NMT1: variants seen among roughly 807,000 people sequenced by gnomAD.
NMT1 encodes the protein glycylpeptide N-tetradecanoyltransferase 1.
A neutral mutation model predicts 63.4 loss-of-function variants in NMT1; 12 were observed. That is an observed-to-expected ratio of 0.19 (90% confidence interval 0.12 to 0.31). The LOEUF is 0.31. NMT1 is among the 10% of genes least tolerant of loss of function. NMT1 has a pLI of 1.00. For missense variants in NMT1, 432 were observed against 634.6 expected (o/e 0.68, Z 3.43); for synonymous variants, 228 against 234.3 (o/e 0.97, Z 0.25).
chr17:45,083,249 G>C (rs1338768232), intron 2 of NMT1, among the ~76,000 whole-genome samples: 1 of 151,718 alleles, frequency 6.6e-6, no homozygotes, highest in African/African-American at 2.4e-5. Context: ...AACCCAGGCG[G>C]CAGAGGTTGC....
intron 2 of NMT1, among the ~76,000 whole-genome samples, chr17:45,084,283 C>A (rs1248334617): frequency 6.7e-6 from 1 of 150,296 alleles, no homozygotes; most frequent in Non-Finnish European, 1.5e-5. Flanking sequence ...AAGAAATGAC[C>A]ATTAAAGCAA....
At chr17:45,070,355 A>G (rs1021351443) in intron 1 of NMT1, among the ~76,000 whole-genome samples, 11 of 151,952 alleles carry the variant, frequency 7.2e-5, no homozygotes, top group African/African-American at 2.7e-4. Flanking sequence ...GGTTCAAACT[A>G]TTCTCTTGCC....
chr17:45,102,359 C>G (rs1160886746), intron 8 of NMT1, among the ~76,000 whole-genome samples: 1 of 152,206 alleles, frequency 6.6e-6, no homozygotes, highest in African/African-American at 2.4e-5. Flanking sequence ...AAAGCAGCTG[C>G]CGGGTGGGAC....
chr17:45,076,221 A>T (rs1006847970), intron 1 of NMT1, among the ~76,000 whole-genome samples: 2 of 152,052 alleles, frequency 1.3e-5, no homozygotes, highest in African/African-American at 2.4e-5. Flanking sequence ...GCTTGCTAGG[A>T]TGCTTTTTGA....
rs556311957 is a variant in NMT1 at position 45,104,256 on chromosome 17, C to T, written c.1332+380C>T. ...CATTGGAGCATCCAACTGCCAGTAGCGGATGGCGAGCCCGTCTGTCAGTGC... is the reference window on the plus strand; with the variant it reads ...CATTGGAGCATCCAACTGCCAGTAGTGGATGGCGAGCCCGTCTGTCAGTGC... On this transcript the variant is annotated intron_variant, in intron 10 of 11. Coordinates refer to ENST00000258960, the MANE Select transcript of NMT1 (RefSeq NM_021079.5). The surrounding 1 kb of genome is among the most constrained non-coding windows in gnomAD (Gnocchi z 4.2). 30 of 1,196,290 alleles carry T rather than the reference C, an allele frequency of 2.5e-5. No individual in the cohort carries two copies. In the East Asian group the frequency reaches 1.2e-3, roughly 48 times the overall value. 74.1% of individuals were successfully genotyped at this position (1,196,290 alleles called of 1,614,324 possible).
chr17:45,099,627 C>G (rs770441299), intron 8 of NMT1, 114 bp downstream of exon 8: 2 of 719,412 alleles, frequency 2.8e-6, no homozygotes, highest in Non-Finnish European at 5.0e-6. Flanking sequence ...ACTGGAAAAG[C>G]GAACCAGCCC....
chr17:45,087,715 C>G (rs2143493285), intron 3 of NMT1, among the ~76,000 whole-genome samples: 1 of 152,270 alleles, frequency 6.6e-6, no homozygotes, highest in African/African-American at 2.4e-5. Flanking sequence ...AAATGACTTT[C>G]AGCTTGTCCA....
intron 3 of NMT1, among the ~76,000 whole-genome samples, chr17:45,092,678 C>G (rs1267224290): frequency 6.8e-6 from 1 of 148,066 alleles, no homozygotes; most frequent in African/African-American, 2.5e-5. Context: ...CCACTGTACT[C>G]CAACCTGGGC....
intron 2 of NMT1, among the ~76,000 whole-genome samples, chr17:45,082,563 G>A (rs1005785249): frequency 6.6e-6 from 1 of 152,170 alleles, no homozygotes; most frequent in Non-Finnish European, 1.5e-5. Flanking sequence ...TGAGAGTGAT[G>A]CACTGGCATG....
chr17:45,099,610 T>C, intron 8 of NMT1, 97 bp downstream of exon 8: 1 of 850,726 alleles, frequency 1.2e-6, no homozygotes, highest in South Asian at 1.4e-5. Flanking sequence ...AGAGGGAGCT[T>C]TCTCCTACTG....
At chr17:45,076,750 CAAA>C (rs796462258) in intron 1 of NMT1, among the ~76,000 whole-genome samples, 2 of 132,374 alleles carry the variant, frequency 1.5e-5, no homozygotes, top group African/African-American at 2.8e-5. Flanking sequence ...AACTCTGTCT[CAAA>C]AAAAAAAAAA....
At chr17:45,076,530 A>G (rs911812147) in intron 1 of NMT1, among the ~76,000 whole-genome samples, 4 of 151,758 alleles carry the variant, frequency 2.6e-5, no homozygotes, top group African/African-American at 9.7e-5. Context: ...CAGGTGAATC[A>G]CCTGAGGTCA....
chr17:45,062,501 T>C (rs2053871158), intron 1 of NMT1, among the ~76,000 whole-genome samples: 1 of 152,216 alleles, frequency 6.6e-6, no homozygotes. Context: ...AGTGCAGATA[T>C]AAAGGTATAA....
Position 45,097,092 on chromosome 17 carries a change from G to GT in NMT1, c.597-36_597-35insT, listed in dbSNP as rs544989428. ...CCCAAGCGGCTTGTCCAGCCTGCCGGCAAGCAGCACAACCACCCCAGCCTC... is the reference window on the plus strand; with the variant it reads ...CCCAAGCGGCTTGTCCAGCCTGCCGGTCAAGCAGCACAACCACCCCAGCCTC... On this transcript the variant is annotated intron_variant, in intron 5 of 11. Coordinates refer to ENST00000258960, the MANE Select transcript of NMT1 (RefSeq NM_021079.5). 510 of 1,576,178 alleles carry GT rather than the reference G, an allele frequency of 3.2e-4. 2 individuals carry two copies. The South Asian group carries it at 5.3e-3, about 16-fold the overall frequency.
Position 45,103,596 on chromosome 17 carries a change from A to G in NMT1, c.1165-113A>G. The G allele has an allele frequency of 9.1e-7, 1 of 1,096,854 alleles. No individual in the cohort carries two copies. Among genetic ancestry groups the G allele is most frequent in the African/African-American group, 1.6e-5 (1 of 63,790 alleles). 67.9% of individuals were successfully genotyped at this position (1,096,854 alleles called of 1,614,324 possible). On this transcript the variant is annotated intron_variant, in intron 9 of 11. Coordinates refer to ENST00000258960, the MANE Select transcript of NMT1 (RefSeq NM_021079.5). The surrounding 1 kb of genome is among the most constrained non-coding windows in gnomAD (Gnocchi z 4.8). ...ACATGTCCTGTTGCAGTTTCCAGCC[A>G]TTTATCTAGAGGGGCAGAGCTGCCT...
intron 8 of NMT1, among the ~76,000 whole-genome samples, chr17:45,102,207 C>A (rs2054171033): frequency 6.6e-6 from 1 of 152,212 alleles, no homozygotes. Flanking sequence ...CTGACTGAGG[C>A]CTGTAAACTG....
intron 4 of NMT1, 27 bp downstream of exon 4, chr17:45,093,830 C>G: frequency 6.3e-7 from 1 of 1,578,962 alleles, no homozygotes; most frequent in Non-Finnish European, 8.7e-7. Flanking sequence ...AAGGTTACAC[C>G]TGCGGGTAGG....
At chr17:45,066,565 G>A (rs983907097) in intron 1 of NMT1, among the ~76,000 whole-genome samples, 2 of 151,712 alleles carry the variant, frequency 1.3e-5, no homozygotes, top group Non-Finnish European at 2.9e-5. Flanking sequence ...ACCAGCCTGG[G>A]CAACATGGTG....
intron 4 of NMT1, among the ~76,000 whole-genome samples, chr17:45,095,888 A>G (rs983153967): frequency 8.5e-5 from 13 of 152,206 alleles, no homozygotes; most frequent in African/African-American, 2.7e-4. Flanking sequence ...TCGTCCCTCT[A>G]TAGCACTTCA....
Sources: gnomAD v4.1 joint callset for allele counts (sites outside exome capture counted in the v4.1 genomes callset) on GRCh38, gnomAD v4.1.1 for gene constraint, Gnocchi (gnomAD v3.1) non-coding constraint, MANE v1.5 for transcripts, NCBI Gene and HGNC (gene_info 2026-07-23, HGNC 2026-07-21) for gene names.